The following SYNE1 variants were observed in gnomAD, a reference collection of about 807,000 sequenced individuals.
The protein encoded by SYNE1 is nesprin-1.
In SYNE1, 616 loss-of-function variants were observed where a neutral mutation model predicts 1,111.0. That is an observed-to-expected ratio of 0.55 (90% CI 0.52 to 0.59). The LOEUF (loss-of-function observed/expected upper bound fraction) is 0.59, where lower values mean the gene tolerates loss of function less well. Among genes scored for constraint, SYNE1 ranks in the 20% least tolerant of loss-of-function variants. The pLI is 0.00. For synonymous variants in SYNE1, 3,855 were observed against 3,825.8 expected (o/e 1.01, Z -0.28); for missense variants, 10,006 against 10,417.0 (o/e 0.96, Z 1.72).
In SYNE1 at chr6:152,413,344, T is replaced by G; in HGVS notation, c.6230+8A>C. The G allele has an allele frequency of 6.2e-7, 1 of 1,614,152 alleles. No individual in the cohort carries two copies. The highest frequency in any genetic ancestry group is 8.5e-7 in the Non-Finnish European group (1 of 1,180,010). ...CTAAAAACAAGAACTGGGTGGGTTT[T>G]GACTTACTTTTCATGAATTAGTCTT... On this transcript the variant is annotated splice_region_variant and intron_variant, in intron 42 of 145. Transcript: ENST00000367255.
Position 152,401,285 on chromosome 6 carries a change from T to C in SYNE1, c.6882A>G (p.Val2294=). 2 of 1,614,108 alleles carry C rather than the reference T, an allele frequency of 1.2e-6. No homozygotes were observed. The highest frequency in any genetic ancestry group is 1.7e-6 in the Non-Finnish European group (2 of 1,180,024). ...KLEHAKEITE[V]AKGTLKDFTA... is the part of the protein sequence containing the mutation. ...TGAAATCCTTCAGGGTTCCTTTTGC[T>C]ACTTCAGTTATTTCTTTGGCATGCT... The change falls in exon 47 of 146, where the codon GTA becomes GTG. Residue 2294 remains valine, a synonymous_variant. Transcript: ENST00000367255.
chr6:152,536,172 C>T (rs2695257), intron 4 of SYNE1, among the ~76,000 whole-genome samples: 32,882 of 150,520 alleles, frequency 0.22, 3,699 homozygotes, highest in Middle Eastern at 0.33. Context: ...CCTCCTCGGG[C>T]GCCTTGTTCC....
chr6:152,271,135 C>T (rs949299112), intron 98 of SYNE1, among the ~76,000 whole-genome samples: 3 of 152,122 alleles, frequency 2.0e-5, no homozygotes, highest in African/African-American at 7.2e-5. Flanking sequence ...GCTCATCCAA[C>T]CTAACTGCCC....
chr6:152,180,755 GGAA>G (rs537473825), intron 128 of SYNE1, among the ~76,000 whole-genome samples: 18 of 152,094 alleles, frequency 1.2e-4, no homozygotes, highest in Admixed American at 1.0e-3. Flanking sequence ...AAGAAGGGAT[GGAA>G]GAATGAGCCT....
chr6:152,321,542 A>G, intron 83 of SYNE1, 152 bp from the exon 84 acceptor site: 2 of 1,270,768 alleles, frequency 1.6e-6, no homozygotes, highest in Non-Finnish European at 2.2e-6. Context: ...AATATAAAGT[A>G]TGTTCACTTT....
chr6:152,237,071 G>C (rs2084291868), intron 108 of SYNE1, 123 bp from the exon 109 acceptor site: 1 of 1,363,908 alleles, frequency 7.3e-7, no homozygotes, highest in Non-Finnish European at 1.0e-6. Context: ...TGTTTGCGTT[G>C]GGCCTTGCTT....
Position 152,505,370 on chromosome 6 carries a change from A to G in SYNE1, c.609T>C (p.Phe203=), listed in dbSNP as rs1250204451. ...GKQTGIEVKD[F]GKSWRSGVAF... is the part of the protein sequence containing the mutation. Reference sequence around the variant, plus strand: ...CAACCCCGCTTCTCCAACTCTTCCCAAAATCTTTTACTTCTATTCCAGTCT... The same window carrying G: ...CAACCCCGCTTCTCCAACTCTTCCCGAAATCTTTTACTTCTATTCCAGTCT... Residue 203 remains phenylalanine, a synonymous_variant, in exon 9 of 146, where the codon TTT becomes TTC. Coordinates refer to ENST00000367255, the MANE Select transcript of SYNE1 (RefSeq NM_182961.4). 6.2e-7 allele frequency: 1 copy of G among 1,614,000 alleles called. No individual in the cohort carries two copies. The highest frequency in any genetic ancestry group is 8.5e-7 in the Non-Finnish European group (1 of 1,180,014).
intron 130 of SYNE1, chr6:152,168,103 A>C (rs371763477): frequency 3.8e-6 from 3 of 780,604 alleles, no homozygotes; most frequent in African/African-American, 3.4e-5. Context: ...AAACTCAAGA[A>C]GATGCCTGCC....
Position 152,517,995 on chromosome 6 carries a change from G to C in SYNE1, c.309+2464C>G, listed in dbSNP as rs1050388713. On this transcript the variant is annotated intron_variant, in intron 6 of 145. Coordinates refer to ENST00000367255, the MANE Select transcript of SYNE1 (RefSeq NM_182961.4). ...TAAAATCGACCAGGATGGGGGTGGG[G>C]CACAAAATAGAACACAAACAACAAC... Among the ~76,000 whole-genome samples the C allele has an allele frequency of 8.6e-5, 13 of 151,162 alleles. 1 individual carries two copies. The highest frequency in any genetic ancestry group is 8.9e-5 in the Non-Finnish European group (6 of 67,668).
At chr6:152,505,651 T>TGTAAAGC (rs2099053937) in intron 8 of SYNE1, among the ~76,000 whole-genome samples, 1 of 152,242 alleles carries the variant, frequency 6.6e-6, no homozygotes, top group Non-Finnish European at 1.5e-5. Context: ...TTAAAGCGTA[T>TGTAAAGC]TTTTACATTT....
chr6:152,336,066 T>C lies in SYNE1; in HGVS notation c.12528+775A>G, dbSNP rs376063781. On this transcript the variant is annotated intron_variant, in intron 76 of 145. Transcript: ENST00000367255. ...ACTGCATTTATATTATACTTTAAAT[T>C]AATTACATATAGCTCAAATATATAA... is the stretch of plus-strand genomic sequence containing the variant. 9 of 151,884 alleles carry C rather than the reference T, an allele frequency of 5.9e-5. No individual in the cohort carries two copies. The East Asian group carries it at 1.3e-3, about 23-fold the overall frequency. 9.4% of individuals were successfully genotyped at this position (151,884 alleles called of 1,614,324 possible). A position where few individuals can be genotyped will look rare whatever the true frequency, so the allele number is the denominator to read the frequency against.
rs188923635 is a variant in SYNE1, at chr6:152,222,344, T to C, written c.21523-785A>G. Among the ~76,000 whole-genome samples, 91 of 152,364 alleles carry C rather than the reference T, an allele frequency of 6.0e-4. 3 individuals are homozygous for C. In the East Asian group the frequency reaches 8.5e-3, roughly 14 times the overall value. On this transcript the variant is annotated intron_variant, in intron 117 of 145. Transcript: ENST00000367255. ...TAACAAAGCCATGGCAATGGTGTTA[T>C]GTAACGTGCTATCTGCCAAACTGTG...
rs554483231 is a variant in SYNE1 at position 152,214,999 on chromosome 6, T to C, written c.22253A>G (p.Tyr7418Cys). 175 of 1,614,178 alleles carry C rather than the reference T, an allele frequency of 1.1e-4. No homozygotes were observed. The South Asian group carries it at 1.8e-3, about 17-fold the overall frequency. Reference sequence around the variant, plus strand: ...TTCCTTATCATTCAAGGGTAACCTATATCCAAGCTCATTTAGACGGTCTAA... The same window carrying C: ...TTCCTTATCATTCAAGGGTAACCTACATCCAAGCTCATTTAGACGGTCTAA... ...PDLDRLNELG[Y>C]RLPLNDKEIK... Residue 7418 changes from tyrosine (Y) to cysteine (C), a missense_variant, in exon 122 of 146, where the codon TAT becomes TGT. Transcript: ENST00000367255.
At chr6:152,376,012 G>A in intron 58 of SYNE1, 1 of 193,118 alleles carries the variant, frequency 5.2e-6, no homozygotes, top group Non-Finnish European at 1.1e-5. Context: ...AGTGGTTTCA[G>A]GGAAGACAAT....
intron 133 of SYNE1, among the ~76,000 whole-genome samples, 176 bp downstream of exon 133, chr6:152,154,716 C>T (rs1332785785): frequency 6.6e-6 from 1 of 151,914 alleles, no homozygotes; most frequent in Non-Finnish European, 1.5e-5. Flanking sequence ...CCTCTTTTTC[C>T]CCCTTCATAC....
chr6:152,314,970 C>T (rs1282963512), intron 87 of SYNE1, among the ~76,000 whole-genome samples: 2 of 139,258 alleles, frequency 1.4e-5, no homozygotes, highest in Admixed American at 7.0e-5. Context: ...ACAGCCTGGG[C>T]GATAGAGCGA....
chr6:152,402,405 A>C (rs1056491552), intron 46 of SYNE1: 3 of 152,004 alleles, frequency 2.0e-5, no homozygotes, highest in African/African-American at 7.3e-5. Context: ...TAATATCCTC[A>C]TATGGTGGTC....
chr6:152,617,623 C>T (rs1010081018), intron 3 of SYNE1, among the ~76,000 whole-genome samples: 6 of 152,120 alleles, frequency 3.9e-5, no homozygotes, highest in African/African-American at 9.7e-5. Context: ...ACTGGATATC[C>T]GAAGTTGAAT....
At chr6:152,497,088 C>G (rs1487210530) in intron 11 of SYNE1, among the ~76,000 whole-genome samples, 1 of 152,188 alleles carries the variant, frequency 6.6e-6, no homozygotes, top group Non-Finnish European at 1.5e-5. Context: ...CAAACTCAGT[C>G]TGCCTGCACT....
Sources: gnomAD v4.1 joint callset for allele counts (sites outside exome capture counted in the v4.1 genomes callset) on GRCh38, gnomAD v4.1.1 for gene constraint, MANE v1.5 for transcripts, NCBI Gene and HGNC (gene_info 2026-07-23, HGNC 2026-07-21) for gene names.